Variants in PCDHA12 observed in about 807,000 individuals in gnomAD.
PCDHA12 encodes the protein protocadherin alpha 12.
A neutral mutation model predicts 60.0 loss-of-function variants in PCDHA12; 44 were observed. The ratio of observed to expected loss-of-function variants is 0.73; its 90% confidence interval spans 0.58 to 0.94. The LOEUF is 0.94. PCDHA12 is among the 40% of genes least tolerant of loss of function. The pLI is 0.00. For synonymous variants in PCDHA12, 569 were observed against 553.0 expected, an observed-to-expected ratio of 1.03 and a Z score of -0.40; for missense variants, 1,276 against 1,239.7, an observed-to-expected ratio of 1.03 and a Z score of -0.44.
At position 140,876,483 on chromosome 5, in the gene PCDHA12, G is replaced by C; in HGVS notation, c.1011G>C (p.Leu337=). ...IPSMAGHSMV[L]VEVLDVNDNV... ...CCATGGCAGGTCACAGCATGGTCCT[G>C]GTGGAAGTTCTGGACGTGAATGACA... Residue 337 remains leucine, a synonymous_variant, in exon 1 of 4, where the codon CTG becomes CTC. Coordinates refer to ENST00000398631, the MANE Select transcript of PCDHA12 (RefSeq NM_018903.4). 6.2e-7 allele frequency: 1 copy of C among 1,614,004 alleles called. No homozygotes were observed. Among genetic ancestry groups the C allele is most frequent in the Non-Finnish European group, 8.5e-7 (1 of 1,179,890 alleles).
intron 1 of PCDHA12, among the ~76,000 whole-genome samples, chr5:140,890,513 C>T (rs1376774987): frequency 2.0e-5 from 3 of 151,948 alleles, no homozygotes; most frequent in Non-Finnish European, 4.4e-5. Flanking sequence ...GTCTCTATTT[C>T]CTTCCTTTGT....
At chr5:141,008,299 C>T (rs1223779122) in intron 3 of PCDHA12, among the ~76,000 whole-genome samples, 2 of 152,120 alleles carry the variant, frequency 1.3e-5, no homozygotes, top group Non-Finnish European at 2.9e-5. Flanking sequence ...TGTACCCAAC[C>T]CTAAACTGTA....
rs57893927 is a variant in PCDHA12 at position 140,946,631 on chromosome 5, T to TATATATATATATATATATATATATATAC, written c.2368-32317_2368-32316insTATATATATATATATATATATATATACA. On this transcript the variant is annotated intron_variant, in intron 1 of 3. Transcript: ENST00000398631. ...TGTGAAATATATATATATATATATA[T>TATATATATATATATATATATATATATAC]ACAATGGAATACTCATCAGCCATTA... Among the ~76,000 whole-genome samples the TATATATATATATATATATATATATATAC allele has an allele frequency of 2.1e-3, 277 of 131,730 alleles. 14 individuals carry two copies. Among genetic ancestry groups the TATATATATATATATATATATATATATAC allele is most frequent in the African/African-American group, 7.7e-3 (221 of 28,616 alleles). The allele number at this position is 131,730 out of a possible 152,430, so 86.4% of individuals were successfully genotyped here.
Position 140,968,634 on chromosome 5 carries a change from A to G in PCDHA12, c.2368-10315A>G, listed in dbSNP as rs782166097. ...GGGCAAAATGCTTGGCTTTTTTACC[A>G]TCTAGCCCAGACTTCTGACCTGGAC... On this transcript the variant is annotated intron_variant, in intron 1 of 3. Coordinates refer to ENST00000398631, the MANE Select transcript of PCDHA12 (RefSeq NM_018903.4). 14 of 1,614,176 alleles carry G rather than the reference A, an allele frequency of 8.7e-6. 1 individual carries two copies. The South Asian group carries it at 1.3e-4, about 15-fold the overall frequency.
intron 3 of PCDHA12, among the ~76,000 whole-genome samples, chr5:141,001,134 T>A (rs370176335): frequency 4.7e-4 from 72 of 152,158 alleles, no homozygotes; most frequent in African/African-American, 1.7e-3. Context: ...AACAAATGAA[T>A]CTTCTGTTGC....
At chr5:140,882,446 G>T (rs556783584) in intron 1 of PCDHA12, 1 of 1,613,924 alleles carries the variant, frequency 6.2e-7, no homozygotes, top group African/African-American at 1.3e-5. Flanking sequence ...GGCGGAGCTG[G>T]TGCCGCGCCT....
Position 140,966,702 on chromosome 5 carries a change from G to A in PCDHA12, c.2368-12247G>A, listed in dbSNP as rs2153748522. On this transcript the variant is annotated intron_variant, in intron 1 of 3. Transcript: ENST00000398631. Reference sequence around the variant, plus strand: ...ACGAGCGGAGGCGGGGCCCGGGCGTGGGGCACGGCTGGGGAAGCTGCCGCC... The same window carrying A: ...ACGAGCGGAGGCGGGGCCCGGGCGTAGGGCACGGCTGGGGAAGCTGCCGCC... 3.7e-6 allele frequency: 5 copies of A among 1,367,880 alleles called. No homozygotes were observed. The South Asian group carries it at 6.9e-5, about 19-fold the overall frequency. 84.7% of individuals were successfully genotyped at this position (1,367,880 alleles called of 1,614,324 possible).
At chr5:140,959,800 G>A (rs193288186) in intron 1 of PCDHA12, among the ~76,000 whole-genome samples, 1 of 152,080 alleles carries the variant, frequency 6.6e-6, no homozygotes, top group Admixed American at 6.5e-5. Context: ...CTAATTTAGA[G>A]GATTTATATT....
intron 1 of PCDHA12, chr5:140,884,288 C>T: frequency 6.2e-7 from 1 of 1,613,630 alleles, no homozygotes; most frequent in Non-Finnish European, 8.5e-7. Flanking sequence ...GGAGAGCGGC[C>T]AAGCGCCACA....
Position 140,876,723 on chromosome 5 carries a change from C to T in PCDHA12, c.1251C>T (p.Ser417=), listed in dbSNP as rs782820769. 1.2e-6 allele frequency: 2 copies of T among 1,614,130 alleles called. No homozygotes were observed. The highest frequency in any genetic ancestry group is 1.3e-5 in the African/African-American group (1 of 74,946). Residue 417 remains serine, a synonymous_variant, in exon 1 of 4, where the codon AGC becomes AGT. Coordinates refer to ENST00000398631, the MANE Select transcript of PCDHA12 (RefSeq NM_018903.4). The part of the protein sequence containing the change: ...LVLDSALDRE[S]VSAYELVVTA... ...TGGACAGCGCCCTGGACCGCGAGAG[C>T]GTGTCGGCCTATGAGCTGGTGGTGA...
At chr5:140,955,008 C>T (rs1393836611) in intron 1 of PCDHA12, among the ~76,000 whole-genome samples, 2 of 152,142 alleles carry the variant, frequency 1.3e-5, no homozygotes, top group Non-Finnish European at 2.9e-5. Flanking sequence ...CCAATTCTCC[C>T]AGCACCATTT....
At chr5:140,980,837 A>T (rs1189348118) in intron 2 of PCDHA12, among the ~76,000 whole-genome samples, 1 of 152,160 alleles carries the variant, frequency 6.6e-6, no homozygotes, top group Non-Finnish European at 1.5e-5. Context: ...TGTGAACCTA[A>T]ATAATACTAA....
chr5:140,896,214 G>C (rs1265727629), intron 1 of PCDHA12, among the ~76,000 whole-genome samples: 4 of 152,208 alleles, frequency 2.6e-5, no homozygotes, highest in Non-Finnish European at 5.9e-5. Context: ...ACACATACAT[G>C]TGTCTTTATA....
Position 140,876,017 on chromosome 5 carries a change from T to TAAAAAC in PCDHA12, c.551_556dup (p.Thr184_Lys185dup), listed in dbSNP as rs782503573. 2.3e-5 allele frequency: 37 copies of TAAAAAC among 1,613,124 alleles called. No homozygotes were observed. Among genetic ancestry groups the TAAAAAC allele is most frequent in the Non-Finnish European group, 2.8e-5 (33 of 1,179,714 alleles). The stretch of plus-strand genomic sequence containing the variant: ...CTAAATGAGAATTTTGAGCTTAAAA[T>TAAAAAC]AAAAACAAAAAAAGATAAAAGTATA... On this transcript the variant is annotated inframe_insertion, in exon 1 of 4. Coordinates refer to ENST00000398631, the MANE Select transcript of PCDHA12 (RefSeq NM_018903.4).
intron 3 of PCDHA12, among the ~76,000 whole-genome samples, chr5:140,999,514 A>G (rs782202425): frequency 1.4e-4 from 22 of 152,210 alleles, no homozygotes; most frequent in Non-Finnish European, 1.0e-4. Context: ...CATTTTAAGC[A>G]TTTTGTTACC....
rs2153691387 is a variant in PCDHA12, at chr5:140,951,014, G to C, written c.2368-27935G>C. Among the ~76,000 whole-genome samples the C allele has an allele frequency of 1.3e-5, 2 of 151,872 alleles. 1 individual carries two copies. Among genetic ancestry groups the C allele is most frequent in the Middle Eastern group, 6.8e-3 (2 of 294 alleles). On this transcript the variant is annotated intron_variant, in intron 1 of 3. Coordinates refer to ENST00000398631, the MANE Select transcript of PCDHA12 (RefSeq NM_018903.4). The stretch of plus-strand genomic sequence containing the variant: ...TTAGCTCCATTTTTCCCAAGATCAG[G>C]CAGTGAGTTTTAATTTCAAATATTA...
intron 1 of PCDHA12, among the ~76,000 whole-genome samples, chr5:140,976,828 C>G (rs935294640): frequency 6.6e-6 from 1 of 152,262 alleles, no homozygotes; most frequent in Admixed American, 6.5e-5. Flanking sequence ...GTCTAATGAG[C>G]AAAACAGATA....
intron 1 of PCDHA12, among the ~76,000 whole-genome samples, chr5:140,944,481 T>C (rs1441639137): frequency 1.3e-5 from 2 of 152,106 alleles, no homozygotes; most frequent in Admixed American, 6.5e-5. Flanking sequence ...GGCACTGGAC[T>C]GAGGCTTCTT....
At chr5:140,989,296 G>A (rs1587341853) in intron 3 of PCDHA12, among the ~76,000 whole-genome samples, 1 of 152,128 alleles carries the variant, frequency 6.6e-6, no homozygotes, top group South Asian at 2.1e-4. Context: ...TGTCACAAAG[G>A]GCCAAGGAAG....
Sources: gnomAD v4.1 joint callset for allele counts (sites outside exome capture counted in the v4.1 genomes callset) on GRCh38, gnomAD v4.1.1 for gene constraint, MANE v1.5 for transcripts, NCBI Gene and HGNC (gene_info 2026-07-23, HGNC 2026-07-21) for gene names.